The following CBLN2 variants were observed in gnomAD, a reference collection of about 807,000 sequenced individuals.
CBLN2 encodes cerebellin-2.
Under a neutral mutation model 15.0 loss-of-function variants are expected in CBLN2, and 7 were observed. The ratio of observed to expected loss-of-function variants is 0.47; its 90% CI spans 0.27 to 0.88. CBLN2 has a LOEUF of 0.88. Among genes scored for constraint, CBLN2 ranks in the 40% least tolerant of loss-of-function variants. The pLI is 0.14. For synonymous variants in CBLN2, 149 were observed against 135.2 expected, an observed-to-expected ratio of 1.10 and a Z score of -0.71; for missense variants, 242 against 304.5, an observed-to-expected ratio of 0.79 and a Z score of 1.53.
At chr18:72,635,393 A>T (rs1217783404) in intron 1 of CBLN2, among the ~76,000 whole-genome samples, 1 of 152,218 alleles carries the variant, frequency 6.6e-6, no homozygotes, top group Non-Finnish European at 1.5e-5. Context: ...TGGAGGCTAG[A>T]GTTAACAAGC....
At chr18:72,614,453 A>G (rs1453549444) in intron 1 of CBLN2, among the ~76,000 whole-genome samples, 1 of 152,164 alleles carries the variant, frequency 6.6e-6, no homozygotes, top group African/African-American at 2.4e-5. Flanking sequence ...AGAATTGCAA[A>G]ATAATTTTTC....
At position 72,579,043 on chromosome 18, in the gene CBLN2, A is replaced by T. The variant is rs58393276; in HGVS notation, c.16-40271T>A. ...GTCTAAGCTTGGTCAATTACAAATG[A>T]TGCTCAATATCTAATGCACTGTGGT... On this transcript the variant is annotated intron_variant, in intron 1 of 2. Transcript: ENST00000581073. 9.1e-3 allele frequency among the ~76,000 whole-genome samples: 1,384 copies of T among 152,290 alleles called. 34 individuals carry two copies. Among genetic ancestry groups the T allele is most frequent in the African/African-American group, 0.032 (1,317 of 41,552 alleles).
At chr18:72,553,458 T>TGATAGATAGATAGATA (rs5826203) in intron 1 of CBLN2, among the ~76,000 whole-genome samples, 6 of 148,808 alleles carry the variant, frequency 4.0e-5, no homozygotes, top group Admixed American at 6.7e-5. Context: ...TAACAATTTG[T>TGATAGATAGATAGATA]GATAGATAGA....
chr18:72,607,539 G>A (rs1462191903), intron 1 of CBLN2, among the ~76,000 whole-genome samples: 2 of 152,130 alleles, frequency 1.3e-5, no homozygotes, highest in Non-Finnish European at 2.9e-5. Flanking sequence ...TGCTTCTAGA[G>A]CACCCCACCA....
intron 1 of CBLN2, among the ~76,000 whole-genome samples, chr18:72,621,048 C>T (rs1158117838): frequency 2.0e-5 from 3 of 152,124 alleles, no homozygotes; most frequent in Non-Finnish European, 4.4e-5. Context: ...ATCTCAGAAA[C>T]TGTATGCTGG....
chr18:72,543,522 G>A lies in CBLN2; in HGVS notation c.-203C>T, dbSNP rs2069134282. 7.5e-6 allele frequency: 3 copies of A among 398,428 alleles called. No homozygotes were observed. Among genetic ancestry groups the A allele is most frequent in the Admixed American group, 8.8e-5 (2 of 22,714 alleles). The allele number at this position is 398,428 out of a possible 1,614,324, so 24.7% of individuals were successfully genotyped here. A position where few individuals can be genotyped will look rare whatever the true frequency, so the allele number is the denominator to read the frequency against. ...ATGCTGGGCGAGCTCCGCTGTCCGC[G>A]AAGTTGCTCTGCTTAGAGAAAATGA... On this transcript the variant is annotated 5_prime_UTR_variant, in exon 2 of 5. Transcript: ENST00000269503. This position sits in a 1 kb window ranked among gnomAD's most constrained non-coding sequence, Gnocchi z 6.8.
At chr18:72,623,831 A>G (rs1053134512) in intron 1 of CBLN2, among the ~76,000 whole-genome samples, 7 of 152,058 alleles carry the variant, frequency 4.6e-5, no homozygotes, top group Non-Finnish European at 7.4e-5. Flanking sequence ...GCTTACACCA[A>G]TCTTCTAGAA....
At chr18:72,554,477 T>C (rs1323361815) in intron 1 of CBLN2, among the ~76,000 whole-genome samples, 2 of 152,196 alleles carry the variant, frequency 1.3e-5, no homozygotes, top group Non-Finnish European at 2.9e-5. Context: ...AGTTTAGAAT[T>C]ACTATTTTAA....
chr18:72,589,666 C>T (rs939254218), intron 1 of CBLN2, among the ~76,000 whole-genome samples: 6 of 152,076 alleles, frequency 3.9e-5, no homozygotes, highest in Admixed American at 1.3e-4. Flanking sequence ...ATTTAAGATA[C>T]GAGTTGACAC....
intron 1 of CBLN2, among the ~76,000 whole-genome samples, chr18:72,562,245 C>A (rs2069266389): frequency 1.3e-5 from 2 of 151,656 alleles, no homozygotes; most frequent in East Asian, 1.9e-4. Flanking sequence ...ACAATGTAGG[C>A]CATACAGGGA....
chr18:72,635,071 C>T (rs1403375208), intron 1 of CBLN2, among the ~76,000 whole-genome samples: 1 of 152,074 alleles, frequency 6.6e-6, no homozygotes, highest in Non-Finnish European at 1.5e-5. Context: ...TATTTTTCTG[C>T]ACAGAGTTCC....
At chr18:72,562,784 C>A (rs1281223385) in intron 1 of CBLN2, among the ~76,000 whole-genome samples, 1 of 152,218 alleles carries the variant, frequency 6.6e-6, no homozygotes, top group Non-Finnish European at 1.5e-5. Flanking sequence ...AAAATGTCTT[C>A]ATGATTCACG....
At chr18:72,552,835 A>G (rs2069199740) in intron 1 of CBLN2, among the ~76,000 whole-genome samples, 1 of 152,178 alleles carries the variant, frequency 6.6e-6, no homozygotes, top group Admixed American at 6.5e-5. Context: ...GCATATAATC[A>G]TTTGATTTTG....
intron 1 of CBLN2, among the ~76,000 whole-genome samples, chr18:72,581,978 T>C (rs1018020675): frequency 6.6e-6 from 1 of 152,232 alleles, no homozygotes; most frequent in Non-Finnish European, 1.5e-5. Context: ...GAGGAGCTTC[T>C]CGTCTTCACA....
intron 1 of CBLN2, among the ~76,000 whole-genome samples, chr18:72,613,367 G>A (rs575727528): frequency 7.9e-5 from 12 of 152,206 alleles, no homozygotes; most frequent in African/African-American, 2.6e-4. Context: ...ATATTTTATT[G>A]GATTGAAGTG....
In CBLN2 at chr18:72,596,856, T is replaced by G. The variant is rs185272912; in HGVS notation, c.15+41469A>C. ...CTGTCTTTAAGATCCTTTCTTTTCCTTGACTTTTGGAATATGAATAGCAAA... is the reference window on the plus strand; with the variant it reads ...CTGTCTTTAAGATCCTTTCTTTTCCGTGACTTTTGGAATATGAATAGCAAA... On this transcript the variant is annotated intron_variant, in intron 1 of 2. Coordinates refer to the CBLN2 transcript ENST00000581073. Among the ~76,000 whole-genome samples, 76 of 152,330 alleles carry G rather than the reference T, an allele frequency of 5.0e-4. No homozygotes were observed. In the East Asian group the frequency reaches 8.5e-3, roughly 17 times the overall value.
At chr18:72,572,008 A>G (rs950446271) in intron 1 of CBLN2, among the ~76,000 whole-genome samples, 4 of 152,216 alleles carry the variant, frequency 2.6e-5, no homozygotes, top group African/African-American at 9.6e-5. Flanking sequence ...ATAATTTGCT[A>G]GAACATGCAC....
chr18:72,609,958 C>T (rs773703373), intron 1 of CBLN2, among the ~76,000 whole-genome samples: 2 of 152,138 alleles, frequency 1.3e-5, no homozygotes, highest in African/African-American at 2.4e-5. Flanking sequence ...GCCTGTCTCA[C>T]TGAAACTCGC....
chr18:72,538,639 T>G lies in CBLN2; in HGVS notation c.477+14A>C. The stretch of plus-strand genomic sequence containing the variant: ...AACTCAAACCTGAAAGGATCCAGTT[T>G]CAAATCTACCCACCTGGATGGTTTG... On this transcript the variant is annotated intron_variant, in intron 4 of 4. Coordinates refer to ENST00000269503, the MANE Select transcript of CBLN2 (RefSeq NM_182511.4). 1 of 1,613,228 alleles carries G rather than the reference T, an allele frequency of 6.2e-7. No individual in the cohort carries two copies. Among genetic ancestry groups the G allele is most frequent in the South Asian group, 1.1e-5 (1 of 91,062 alleles).
Sources: gnomAD v4.1 joint callset for allele counts (sites outside exome capture counted in the v4.1 genomes callset) on GRCh38, gnomAD v4.1.1 for gene constraint, Gnocchi (gnomAD v3.1) non-coding constraint, MANE v1.5 for transcripts, NCBI Gene and HGNC (gene_info 2026-07-23, HGNC 2026-07-21) for gene names.